Variants in DMD observed in about 807,000 individuals in gnomAD.
The protein encoded by DMD is dystrophin.
Under a neutral mutation model 330.1 loss-of-function variants are expected in DMD, and 63 were observed. The observed-to-expected ratio is 0.19, with a 90% CI of 0.16 to 0.24. The LOEUF (loss-of-function observed/expected upper bound fraction) is 0.24. Ranked by LOEUF, DMD falls within the 10% of genes least tolerant of loss-of-function variation. DMD has a pLI of 1.00. For synonymous variants in DMD, 1,223 were observed against 959.8 expected (o/e 1.27, Z -5.07); for missense variants, 3,344 against 2,684.1 (o/e 1.25, Z -5.43).
chrX:32,090,273 T>C (rs772382724), intron 44 of DMD, among the ~76,000 whole-genome samples: 1 of 111,650 alleles, frequency 9.0e-6, no homozygotes, highest in Non-Finnish European at 1.9e-5. Flanking sequence ...GGAGGGGAGT[T>C]AGAATACCTT....
At chrX:31,156,666 C>G (rs1181008049) in intron 74 of DMD, among the ~76,000 whole-genome samples, 5 of 112,114 alleles carry the variant, frequency 4.5e-5, no homozygotes, top group Non-Finnish European at 9.4e-5. Flanking sequence ...CCAGCCCATA[C>G]TGTGTTCAAT....
intron 64 of DMD, 22 bp from the exon 65 acceptor site, chrX:31,209,721 A>T (rs764074980): frequency 1.7e-6 from 2 of 1,193,393 alleles, no homozygotes; most frequent in Non-Finnish European, 2.3e-6. Context: ...AAATAAAATC[A>T]CAAATGACTC....
At chrX:31,219,645 G>A (rs11797256) in intron 64 of DMD, among the ~76,000 whole-genome samples, 26,004 of 109,503 alleles carry the variant, frequency 0.24, 2,697 homozygotes, top group Non-Finnish European at 0.32. Flanking sequence ...TTACCTGCCC[G>A]TATTCTCTGA....
chrX:32,779,861 A>G (rs778724627), intron 7 of DMD, among the ~76,000 whole-genome samples: 1 of 111,628 alleles, frequency 9.0e-6, no homozygotes, highest in East Asian at 2.8e-4. Flanking sequence ...TAAAAGTATA[A>G]TAAAAAAATC....
chrX:31,949,537 G>C (rs2095131192), intron 45 of DMD, among the ~76,000 whole-genome samples: 1 of 110,998 alleles, frequency 9.0e-6, no homozygotes, highest in Non-Finnish European at 1.9e-5. Context: ...CAGTTATTTT[G>C]TGGATATCAG....
intron 44 of DMD, among the ~76,000 whole-genome samples, chrX:32,196,962 GGGT>G (rs1245318037): frequency 9.5e-5 from 8 of 84,011 alleles, no homozygotes; most frequent in East Asian, 3.8e-4. Flanking sequence ...CTCCAGCCTG[GGGT>G]GACAGAGCGA....
chrX:32,307,607 AT>A, intron 42 of DMD, among the ~76,000 whole-genome samples: 1 of 111,752 alleles, frequency 8.9e-6, no homozygotes, highest in Non-Finnish European at 1.9e-5. Flanking sequence ...ATATGGACAC[AT>A]GATGATAAAT....
At position 32,844,842 on chromosome X, in the gene DMD, T is replaced by A; in HGVS notation, c.205A>T (p.Thr69Ser). ...GQKLPKEKGSTRVHALNNVNK... is the reference protein window; with the variant it reads ...GQKLPKEKGSSRVHALNNVNK... ...ACATTGTTCAGGGCATGAACTCTTG[T>A]GGATCCTTTTTCTTTTGGCTGAGAA... Residue 69 changes from threonine to serine, a missense_variant, in exon 4 of 79, where the codon ACA becomes TCA. Transcript: ENST00000357033. 1 of 1,211,402 alleles carries A rather than the reference T, an allele frequency of 8.3e-7. No homozygotes were observed. Among genetic ancestry groups the A allele is most frequent in the Non-Finnish European group, 1.1e-6 (1 of 895,048 alleles).
chrX:31,193,417 G>A (rs1307353572), intron 67 of DMD, among the ~76,000 whole-genome samples: 1 of 111,913 alleles, frequency 8.9e-6, no homozygotes, highest in Non-Finnish European at 1.9e-5. Context: ...GATGTCCACA[G>A]TGATATTCAT....
chrX:31,327,157 A>T (rs1187344954), intron 61 of DMD, among the ~76,000 whole-genome samples: 1 of 112,367 alleles, frequency 8.9e-6, no homozygotes, highest in Non-Finnish European at 1.9e-5. Context: ...AACCATTATC[A>T]TACGGCACCA....
chrX:32,884,899 CA>C (rs1324728039), intron 2 of DMD, among the ~76,000 whole-genome samples: 1 of 111,698 alleles, frequency 9.0e-6, no homozygotes, highest in African/African-American at 3.3e-5. Context: ...ATGACAAGCA[CA>C]AATTCTTGTA....
chrX:32,248,076 T>G (rs1000108406), intron 43 of DMD, among the ~76,000 whole-genome samples: 10 of 111,751 alleles, frequency 8.9e-5, no homozygotes, highest in Non-Finnish European at 1.9e-5. Flanking sequence ...TACTAATTAT[T>G]TGAGCTGTTT....
chrX:32,051,857 C>G (rs1261345254), intron 44 of DMD, among the ~76,000 whole-genome samples: 1 of 111,060 alleles, frequency 9.0e-6, no homozygotes, highest in African/African-American at 3.3e-5. Context: ...CTCTCTCCAC[C>G]ACAAGCAAAC....
intron 44 of DMD, among the ~76,000 whole-genome samples, chrX:32,166,243 C>A (rs1260951340): frequency 9.1e-6 from 1 of 110,451 alleles, no homozygotes; most frequent in Non-Finnish European, 1.9e-5. Flanking sequence ...CTGCTTGAGC[C>A]CCGGAGTTCA....
At chrX:31,154,776 T>C (rs2037905690) in intron 74 of DMD, among the ~76,000 whole-genome samples, 1 of 111,655 alleles carries the variant, frequency 9.0e-6, no homozygotes, top group Non-Finnish European at 1.9e-5. Flanking sequence ...AGACAACGAC[T>C]CCACAGAGAA....
intron 55 of DMD, among the ~76,000 whole-genome samples, chrX:31,597,911 G>A (rs1019106543): frequency 9.0e-6 from 1 of 110,948 alleles, no homozygotes; most frequent in East Asian, 2.8e-4. Flanking sequence ...TCATTACTTT[G>A]GCAAACAACG....
intron 1 of DMD, among the ~76,000 whole-genome samples, chrX:33,155,921 C>T (rs2048490693): frequency 9.0e-6 from 1 of 111,521 alleles, no homozygotes; most frequent in African/African-American, 3.3e-5. Flanking sequence ...AGCAAGACCT[C>T]ATTTCTAAAA....
At chrX:31,736,739 A>G (rs2086901320) in intron 51 of DMD, among the ~76,000 whole-genome samples, 2 of 111,327 alleles carry the variant, frequency 1.8e-5, no homozygotes, top group African/African-American at 6.5e-5. Context: ...CAACAACAAT[A>G]GTTGTTTATT....
At chrX:32,435,275 C>CATATATATATATATAT (rs57376337) in intron 29 of DMD, among the ~76,000 whole-genome samples, 1,931 of 79,459 alleles carry the variant, frequency 0.024, 60 homozygotes, top group East Asian at 0.074. Flanking sequence ...TATATACTTA[C>CATATATATATATATAT]ATATATATAT....
Sources: gnomAD v4.1 joint callset for allele counts (sites outside exome capture counted in the v4.1 genomes callset) on GRCh38, gnomAD v4.1.1 for gene constraint, MANE v1.5 for transcripts, NCBI Gene and HGNC (gene_info 2026-07-23, HGNC 2026-07-21) for gene names.